Variants in ZNF33A observed in about 807,000 individuals in gnomAD.
The protein encoded by ZNF33A is zinc finger protein 33A.
In ZNF33A, 9 loss-of-function variants were observed where a neutral mutation model predicts 15.9. The observed-to-expected ratio is 0.57, with a 90% CI of 0.34 to 0.99. ZNF33A has a LOEUF of 0.99. Among genes scored for constraint, ZNF33A ranks in the 50% least tolerant of loss-of-function variants. The pLI is 0.02. For missense variants in ZNF33A, 843 were observed against 941.6 expected (o/e 0.90, Z 1.37); for synonymous variants, 294 against 324.2 (o/e 0.91, Z 1.00).
At chr10:38,061,785 A>G (rs2066656831), downstream of ZNF33A, among the ~76,000 whole-genome samples, 1 of 151,910 alleles carries the variant, frequency 6.6e-6, no homozygotes, top group South Asian at 2.1e-4. Flanking sequence ...ACATGGTGAA[A>G]CCCCGTCTCT....
chr10:38,040,212 A>G (rs1471214769), intron 4 of ZNF33A, among the ~76,000 whole-genome samples: 1 of 152,078 alleles, frequency 6.6e-6, no homozygotes, highest in Non-Finnish European at 1.5e-5. Context: ...TGGTCAGAGA[A>G]TCATTTTAAA....
In ZNF33A at chr10:38,058,156, A is replaced by T; in HGVS notation, c.*1596A>T. The T allele has an allele frequency of 5.5e-6, 4 of 722,864 alleles. No individual in the cohort carries two copies. The highest frequency in any genetic ancestry group is 6.8e-6 in the Non-Finnish European group (4 of 590,346). 44.8% of individuals were successfully genotyped at this position (722,864 alleles called of 1,614,324 possible). The stretch of plus-strand genomic sequence containing the variant: ...TAACCTGAAAAAACATTAGAGTAAA[A>T]ATCATTGAAATTGAAAAGAGAAAAT... On this transcript the variant is annotated 3_prime_UTR_variant, in exon 5 of 5. Coordinates refer to ENST00000432900, the MANE Select transcript of ZNF33A (RefSeq NM_006954.2).
chr10:38,061,730 G>A (rs1223703837), downstream of ZNF33A, among the ~76,000 whole-genome samples: 4 of 152,108 alleles, frequency 2.6e-5, no homozygotes, highest in Non-Finnish European at 5.9e-5. Context: ...GTAGGCTGGG[G>A]CGGCAGGATC....
At chr10:38,054,308 T>A (rs1414271645) in intron 4 of ZNF33A, 67 bp from the exon 5 acceptor site, 11 of 1,446,512 alleles carry the variant, frequency 7.6e-6, no homozygotes, top group Non-Finnish European at 1.0e-5. Flanking sequence ...GGCATTTGTT[T>A]AGCGATTTCA....
intron 4 of ZNF33A, among the ~76,000 whole-genome samples, chr10:38,042,503 CT>C (rs34942508): frequency 4.8e-4 from 65 of 135,482 alleles, no homozygotes; most frequent in Non-Finnish European, 5.3e-4. Flanking sequence ...TTGCTTTATT[CT>C]TTTTTTTTTT....
chr10:38,036,798 C>G (rs936190693), intron 4 of ZNF33A, among the ~76,000 whole-genome samples: 12 of 152,328 alleles, frequency 7.9e-5, no homozygotes, highest in African/African-American at 2.4e-4. Context: ...ATAAAACTTT[C>G]TTCGTACAGG....
At chr10:38,012,494 C>T (rs1025754005) in intron 2 of ZNF33A, 144 bp downstream of exon 2, 3 of 1,016,860 alleles carry the variant, frequency 3.0e-6, no homozygotes, top group African/African-American at 3.3e-5. Flanking sequence ...TACAATGTCC[C>T]CATCTCGGTT....
intron 4 of ZNF33A, among the ~76,000 whole-genome samples, chr10:38,018,971 AATTTTATTTT>A (rs911148989): frequency 1.4e-4 from 21 of 151,712 alleles, no homozygotes; most frequent in Non-Finnish European, 2.6e-4. Context: ...AGCTTGTGAT[AATTTTATTTT>A]ATTTTATTTT....
chr10:38,041,023 A>T (rs1043339819), intron 4 of ZNF33A, among the ~76,000 whole-genome samples: 6 of 152,180 alleles, frequency 3.9e-5, no homozygotes, highest in African/African-American at 9.6e-5. Flanking sequence ...GAGCATCTGT[A>T]GTTGGTTTTA....
intron 4 of ZNF33A, among the ~76,000 whole-genome samples, chr10:38,031,309 C>T (rs925576191): frequency 2.6e-5 from 4 of 152,084 alleles, no homozygotes. Flanking sequence ...GTGGCATATG[C>T]CTGTAATCTC....
chr10:38,057,243 A>G lies in ZNF33A; in HGVS notation c.*683A>G. ...AATCTGAGATCTGTACTGTATCAGG[A>G]TTACAAAGGATTTAGCCTCAAGTAG... On this transcript the variant is annotated 3_prime_UTR_variant, in exon 5 of 5. Coordinates refer to ENST00000432900, the MANE Select transcript of ZNF33A (RefSeq NM_006954.2). 1 of 985,104 alleles carries G rather than the reference A, an allele frequency of 1.0e-6. No individual in the cohort carries two copies. The highest frequency in any genetic ancestry group is 1.2e-6 in the Non-Finnish European group (1 of 829,612). 61.0% of individuals were successfully genotyped at this position (985,104 alleles called of 1,614,324 possible). A position where few individuals can be genotyped will look rare whatever the true frequency, so the allele number is the denominator to read the frequency against.
chr10:38,013,151 G>A (rs1156379346), intron 2 of ZNF33A, among the ~76,000 whole-genome samples: 1 of 150,848 alleles, frequency 6.6e-6, no homozygotes, highest in East Asian at 1.9e-4. Context: ...TTGCTCTCTT[G>A]CCATTCTGGA....
At chr10:38,017,688 A>G in intron 4 of ZNF33A, 1 of 222,004 alleles carries the variant, frequency 4.5e-6, no homozygotes, top group Non-Finnish European at 8.9e-6. Flanking sequence ...AAGCACTTTC[A>G]GTGTCCTACC....
chr10:38,047,136 A>G (rs902067794), intron 4 of ZNF33A, among the ~76,000 whole-genome samples: 6 of 125,430 alleles, frequency 4.8e-5, no homozygotes, highest in African/African-American at 1.9e-4. Flanking sequence ...CCAAGATTGC[A>G]CCTCTGCACT....
At chr10:38,025,275 A>C (rs2135589383) in intron 4 of ZNF33A, among the ~76,000 whole-genome samples, 1 of 152,324 alleles carries the variant, frequency 6.6e-6, no homozygotes, top group East Asian at 1.9e-4. Context: ...ATACATATAG[A>C]ATGATGGAAA....
At chr10:38,032,861 C>T (rs2065272888) in intron 4 of ZNF33A, among the ~76,000 whole-genome samples, 1 of 152,144 alleles carries the variant, frequency 6.6e-6, no homozygotes, top group African/African-American at 2.4e-5. Flanking sequence ...ATTCTCCTGC[C>T]TCAGCCTCCC....
chr10:38,052,985 AATTTT>A (rs2066278179), intron 4 of ZNF33A, among the ~76,000 whole-genome samples: 1 of 151,486 alleles, frequency 6.6e-6, no homozygotes, highest in Non-Finnish European at 1.5e-5. Context: ...ACTATATTAT[AATTTT>A]ATTTATTTAT....
intron 4 of ZNF33A, among the ~76,000 whole-genome samples, chr10:38,020,630 C>T (rs796902157): frequency 3.9e-5 from 6 of 152,228 alleles, no homozygotes; most frequent in Admixed American, 1.3e-4. Flanking sequence ...ATTCTGCTTC[C>T]ATTTCCGTCT....
rs367941689 is a variant in ZNF33A at position 38,057,112 on chromosome 10, CTG to C, written c.*564_*565del. Reference sequence around the variant, plus strand: ...GATTTTACTATGGTTTGCATGCACTCTGTGTGTGTGTGTACGTGTATGTGTGT... The same window carrying C: ...GATTTTACTATGGTTTGCATGCACTCTGTGTGTGTGTACGTGTATGTGTGT... On this transcript the variant is annotated 3_prime_UTR_variant, in exon 5 of 5. Coordinates refer to ENST00000432900, the MANE Select transcript of ZNF33A (RefSeq NM_006954.2). The C allele has an allele frequency of 7.5e-3, 5,113 of 683,558 alleles. No individual in the cohort carries two copies. The highest frequency in any genetic ancestry group is 9.1e-3 in the Middle Eastern group (12 of 1,322). 42.3% of individuals were successfully genotyped at this position (683,558 alleles called of 1,614,324 possible).
Sources: gnomAD v4.1 joint callset for allele counts (sites outside exome capture counted in the v4.1 genomes callset) on GRCh38, gnomAD v4.1.1 for gene constraint, MANE v1.5 for transcripts, NCBI Gene and HGNC (gene_info 2026-07-23, HGNC 2026-07-21) for gene names.